Variants in CERS6 observed in about 807,000 individuals in gnomAD.
CERS6 encodes the protein LAG1 homolog, ceramide synthase 6.
Under a neutral mutation model 56.8 loss-of-function variants are expected in CERS6, and 26 were observed. The ratio of observed to expected loss-of-function variants is 0.46; its 90% confidence interval spans 0.34 to 0.63. CERS6 has a LOEUF of 0.63. Ranked by LOEUF, CERS6 falls within the 30% of genes least tolerant of loss-of-function variation. CERS6 has a pLI of 0.01. For missense variants in CERS6, 415 were observed against 467.5 expected, an observed-to-expected ratio of 0.89 and a Z score of 1.04; for synonymous variants, 164 against 173.3, an observed-to-expected ratio of 0.95 and a Z score of 0.42.
chr2:168,666,157 A>C (rs1266206077), intron 4 of CERS6, among the ~76,000 whole-genome samples: 1 of 152,144 alleles, frequency 6.6e-6, no homozygotes, highest in African/African-American at 2.4e-5. Context: ...CAATATTAAA[A>C]CACTATTGTT....
intron 4 of CERS6, among the ~76,000 whole-genome samples, chr2:168,647,105 C>T (rs1278937896): frequency 3.9e-5 from 6 of 152,046 alleles, no homozygotes; most frequent in East Asian, 3.8e-4. Flanking sequence ...AATATTGAAC[C>T]GGTAAATTGA....
At chr2:168,524,491 A>G (rs1472347432) in intron 1 of CERS6, among the ~76,000 whole-genome samples, 2 of 152,226 alleles carry the variant, frequency 1.3e-5, no homozygotes, top group African/African-American at 2.4e-5. Flanking sequence ...TGAAATGAGA[A>G]TGGAGACTCA....
intron 1 of CERS6, among the ~76,000 whole-genome samples, chr2:168,503,441 G>A (rs1209016622): frequency 6.6e-6 from 1 of 152,192 alleles, no homozygotes; most frequent in African/African-American, 2.4e-5. Flanking sequence ...GAGAAGAAAA[G>A]TATCTCCTAG....
chr2:168,535,669 G>GTTT lies in CERS6; in HGVS notation c.171-11910_171-11908dup, dbSNP rs59139047. Among the ~76,000 whole-genome samples, 387 of 115,570 alleles carry GTTT rather than the reference G, an allele frequency of 3.3e-3. 13 individuals carry two copies. The highest frequency in any genetic ancestry group is 0.015 in the South Asian group (47 of 3,184). 75.8% of individuals were successfully genotyped at this position (115,570 alleles called of 152,430 possible). A position where few individuals can be genotyped will look rare whatever the true frequency, so the allele number is the denominator to read the frequency against. On this transcript the variant is annotated intron_variant, in intron 1 of 9. Coordinates refer to ENST00000305747, the MANE Select transcript of CERS6 (RefSeq NM_203463.3). ...CCTGCCCAACAATGTTTTGATACCA[G>GTTT]TTTTTTTTTTTTTTTTTTTGAATGA...
At chr2:168,677,488 T>A (rs1686094049) in intron 4 of CERS6, among the ~76,000 whole-genome samples, 3 of 151,976 alleles carry the variant, frequency 2.0e-5, no homozygotes, top group Admixed American at 2.0e-4. Context: ...TACATGTGCA[T>A]GTGTCTTCAT....
intron 4 of CERS6, among the ~76,000 whole-genome samples, chr2:168,654,577 G>C (rs769180521): frequency 6.6e-6 from 1 of 152,000 alleles, no homozygotes; most frequent in Non-Finnish European, 1.5e-5. Flanking sequence ...ACCCAAAAAT[G>C]TATACTGTAA....
intron 1 of CERS6, among the ~76,000 whole-genome samples, chr2:168,460,314 C>A (rs1490856060): frequency 6.6e-6 from 1 of 151,990 alleles, no homozygotes; most frequent in Non-Finnish European, 1.5e-5. Context: ...CTCACCTCAG[C>A]CTCACGAGTA....
At chr2:168,503,512 T>C (rs1034348378) in intron 1 of CERS6, among the ~76,000 whole-genome samples, 2 of 152,116 alleles carry the variant, frequency 1.3e-5, no homozygotes, top group African/African-American at 4.8e-5. Flanking sequence ...GTGGAATACA[T>C]AGTGAGAGGG....
intron 3 of CERS6, among the ~76,000 whole-genome samples, chr2:168,623,876 G>T (rs966628713): frequency 2.0e-5 from 3 of 152,152 alleles, no homozygotes; most frequent in Non-Finnish European, 4.4e-5. Context: ...GAAAAACGGG[G>T]ACACCTGTTT....
intron 1 of CERS6, among the ~76,000 whole-genome samples, chr2:168,498,560 G>A (rs949790213): frequency 2.6e-5 from 4 of 152,230 alleles, no homozygotes; most frequent in African/African-American, 9.6e-5. Context: ...CACGTGTGCA[G>A]TAGGCTAACG....
At chr2:168,541,886 T>C (rs775516177) in intron 1 of CERS6, among the ~76,000 whole-genome samples, 2 of 152,234 alleles carry the variant, frequency 1.3e-5, no homozygotes, top group Non-Finnish European at 2.9e-5. Flanking sequence ...TCTCTAGTCA[T>C]TCTCTGATTT....
intron 1 of CERS6, among the ~76,000 whole-genome samples, chr2:168,504,406 A>C (rs1694639167): frequency 1.3e-5 from 2 of 152,112 alleles, no homozygotes; most frequent in African/African-American, 2.4e-5. Flanking sequence ...ATGCATTGTA[A>C]CAGGGTAGAG....
rs746796996 is a variant in CERS6 at position 168,732,686 on chromosome 2, G to A, written c.845+14708G>A. Among the ~76,000 whole-genome samples the A allele has an allele frequency of 1.2e-4, 18 of 152,246 alleles. No individual in the cohort carries two copies. In the East Asian group the frequency reaches 1.4e-3, roughly 11 times the overall value. Reference sequence around the variant, plus strand: ...TAGTATGTAGGGGACTGGCCTTTGGGCAACCCATACCAGACATAACTGACT... The same window carrying A: ...TAGTATGTAGGGGACTGGCCTTTGGACAACCCATACCAGACATAACTGACT... On this transcript the variant is annotated intron_variant, in intron 8 of 9. Coordinates refer to ENST00000305747, the MANE Select transcript of CERS6 (RefSeq NM_203463.3).
intron 1 of CERS6, among the ~76,000 whole-genome samples, chr2:168,535,095 C>T (rs1272707306): frequency 6.6e-6 from 1 of 152,218 alleles, no homozygotes; most frequent in Non-Finnish European, 1.5e-5. Flanking sequence ...TGGCCTGGAG[C>T]TATAGTGATA....
intron 3 of CERS6, among the ~76,000 whole-genome samples, chr2:168,627,137 G>A (rs1264347193): frequency 1.3e-5 from 2 of 152,052 alleles, no homozygotes; most frequent in African/African-American, 4.8e-5. Context: ...AAATTTTCCC[G>A]TAAGAATGAA....
At chr2:168,721,087 C>G (rs979923560) in intron 8 of CERS6, among the ~76,000 whole-genome samples, 1 of 152,134 alleles carries the variant, frequency 6.6e-6, no homozygotes, top group Non-Finnish European at 1.5e-5. Context: ...GTAGACAAAC[C>G]TATTGCGCTG....
chr2:168,535,857 C>T (rs1426093378), intron 1 of CERS6, among the ~76,000 whole-genome samples: 2 of 151,248 alleles, frequency 1.3e-5, no homozygotes, highest in East Asian at 3.9e-4. Context: ...TAAAACTCAG[C>T]CTGATGGGCA....
intron 1 of CERS6, among the ~76,000 whole-genome samples, chr2:168,545,757 G>A (rs1663424724): frequency 6.6e-6 from 1 of 152,192 alleles, no homozygotes. Flanking sequence ...ATACAAAGAG[G>A]AAATGATCAG....
At chr2:168,608,889 A>G (rs1303263202) in intron 3 of CERS6, among the ~76,000 whole-genome samples, 2 of 152,184 alleles carry the variant, frequency 1.3e-5, no homozygotes, top group Admixed American at 1.3e-4. Context: ...GAGATTTCCA[A>G]TATTTTTTTC....
Sources: gnomAD v4.1 joint callset for allele counts (sites outside exome capture counted in the v4.1 genomes callset) on GRCh38, gnomAD v4.1.1 for gene constraint, MANE v1.5 for transcripts, NCBI Gene and HGNC (gene_info 2026-07-23, HGNC 2026-07-21) for gene names.